The following LARP1B variants were observed in gnomAD, a reference collection of about 807,000 sequenced individuals.
LARP1B encodes la-related protein 1B.
LARP1B carries 76 observed loss-of-function variants against 114.2 expected under a neutral mutation model. The ratio of observed to expected loss-of-function variants is 0.67; its 90% CI spans 0.55 to 0.81. LARP1B has a LOEUF of 0.81. LARP1B is among the 30% of genes least tolerant of loss of function. The probability of loss-of-function intolerance (pLI) is 0.00; values close to 1 mark genes in which losing one functional copy is unlikely to be tolerated. For missense variants in LARP1B, 1,014 were observed against 1,075.8 expected (o/e 0.94, Z 0.80); for synonymous variants, 345 against 348.0 (o/e 0.99, Z 0.10).
At chr4:128,073,683 C>G (rs1335032172) in intron 1 of LARP1B, among the ~76,000 whole-genome samples, 17 of 143,182 alleles carry the variant, frequency 1.2e-4, no homozygotes, top group Admixed American at 1.1e-3. Flanking sequence ...CTCCACCTCC[C>G]AGGTTCAAGC....
chr4:128,156,626 AG>A (rs1319746340), intron 11 of LARP1B, among the ~76,000 whole-genome samples: 1 of 151,636 alleles, frequency 6.6e-6, no homozygotes, highest in African/African-American at 2.4e-5. Flanking sequence ...CCAACTCACC[AG>A]CCCCACTGCC....
chr4:128,106,437 C>G (rs916022964), intron 8 of LARP1B, among the ~76,000 whole-genome samples: 3 of 151,876 alleles, frequency 2.0e-5, no homozygotes, highest in African/African-American at 7.3e-5. Flanking sequence ...TTGTATTTAT[C>G]CTAATTTCTA....
chr4:128,195,709 G>GA (rs1331985819), intron 15 of LARP1B, among the ~76,000 whole-genome samples: 1 of 151,916 alleles, frequency 6.6e-6, no homozygotes, highest in East Asian at 1.9e-4. Context: ...ATTTAAAAAA[G>GA]AAAAAAGATC....
intron 8 of LARP1B, among the ~76,000 whole-genome samples, chr4:128,101,681 C>T (rs1168945877): frequency 4.6e-5 from 7 of 151,510 alleles, no homozygotes; most frequent in South Asian, 2.1e-4. Context: ...AGTTTCACCA[C>T]GTTGGCCAGG....
At chr4:128,063,272 C>G (rs2149250849) in intron 1 of LARP1B, among the ~76,000 whole-genome samples, 2 of 150,654 alleles carry the variant, frequency 1.3e-5, no homozygotes, top group East Asian at 3.9e-4. Flanking sequence ...ACTAGAAATA[C>G]GATCATTAGC....
chr4:128,144,805 C>T (rs1302971546), intron 11 of LARP1B, among the ~76,000 whole-genome samples: 2 of 152,054 alleles, frequency 1.3e-5, no homozygotes, highest in South Asian at 2.1e-4. Flanking sequence ...TTTTGGGCTG[C>T]GATTTCCTAT....
chr4:128,135,147 A>G (rs565669247), intron 11 of LARP1B, among the ~76,000 whole-genome samples: 60 of 151,278 alleles, frequency 4.0e-4, no homozygotes, highest in South Asian at 1.5e-3. Flanking sequence ...ATAAATAAAA[A>G]GGATAACAAA....
chr4:128,107,071 G>T, intron 8 of LARP1B, 68 bp from the exon 9 acceptor site: 2 of 1,323,812 alleles, frequency 1.5e-6, no homozygotes, highest in Non-Finnish European at 2.1e-6. Flanking sequence ...CAAATTTTTA[G>T]GTTCTTAGAA....
intron 11 of LARP1B, among the ~76,000 whole-genome samples, chr4:128,143,454 C>G (rs995545833): frequency 2.6e-5 from 4 of 152,114 alleles, no homozygotes. Flanking sequence ...ATGTTGGAAG[C>G]TGGGAATTTG....
At chr4:128,180,876 A>T (rs918908080) in intron 15 of LARP1B, among the ~76,000 whole-genome samples, 1 of 152,130 alleles carries the variant, frequency 6.6e-6, no homozygotes, top group Non-Finnish European at 1.5e-5. Context: ...TCTCACCAGT[A>T]ATGTTTCTTT....
chr4:128,184,315 C>T (rs1259602013), intron 15 of LARP1B, among the ~76,000 whole-genome samples: 1 of 152,172 alleles, frequency 6.6e-6, no homozygotes, highest in Non-Finnish European at 1.5e-5. Flanking sequence ...TCAGCAACCA[C>T]CGCTCTGATC....
chr4:128,137,791 A>ATTTT (rs758032661), intron 11 of LARP1B, among the ~76,000 whole-genome samples: 1 of 63,562 alleles, frequency 1.6e-5, no homozygotes, highest in African/African-American at 4.8e-5. Context: ...ATATATATAT[A>ATTTT]TTTTTTTTTT....
At chr4:128,101,790 T>C (rs375619715) in intron 8 of LARP1B, among the ~76,000 whole-genome samples, 1 of 152,026 alleles carries the variant, frequency 6.6e-6, no homozygotes, top group African/African-American at 2.4e-5. Flanking sequence ...TTAGAATGAG[T>C]TTATTAACTG....
Position 128,075,009 on chromosome 4 carries a change from A to C in LARP1B, c.42+16A>C. 1.3e-6 allele frequency: 2 copies of C among 1,569,662 alleles called. No individual in the cohort carries two copies. The highest frequency in any genetic ancestry group is 8.7e-7 in the Non-Finnish European group (1 of 1,147,950). On this transcript the variant is annotated intron_variant, in intron 3 of 19. Transcript: ENST00000326639. Reference sequence around the variant, plus strand: ...GAACACTGGAGTGAGTATTGTTTTAAAGTTTTTTTTTTTAAAGAAAGGAAA... The same window carrying C: ...GAACACTGGAGTGAGTATTGTTTTACAGTTTTTTTTTTTAAAGAAAGGAAA...
At chr4:128,189,626 T>C (rs1751582613) in intron 15 of LARP1B, among the ~76,000 whole-genome samples, 1 of 152,162 alleles carries the variant, frequency 6.6e-6, no homozygotes, top group Admixed American at 6.6e-5. Context: ...CCTTTGTTTG[T>C]GATTAAGTGG....
intron 5 of LARP1B, among the ~76,000 whole-genome samples, chr4:128,082,961 C>A (rs575829194): frequency 1.3e-5 from 2 of 151,174 alleles, no homozygotes; most frequent in Non-Finnish European, 3.0e-5. Context: ...GAGGACCCTG[C>A]GGCCTTCCGC....
chr4:128,107,333 A>G lies in LARP1B; in HGVS notation c.988+20A>G. The G allele has an allele frequency of 1.2e-6, 2 of 1,613,194 alleles. No individual in the cohort carries two copies. The highest frequency in any genetic ancestry group is 1.7e-6 in the Non-Finnish European group (2 of 1,179,460). ...ATACAGGTAACATCTTTTCTTCTAG[A>G]GCAAACGATGTAACAGTGGGTTATT... On this transcript the variant is annotated intron_variant, in intron 9 of 19. Coordinates refer to ENST00000326639, the MANE Select transcript of LARP1B (RefSeq NM_018078.4).
intron 1 of LARP1B, among the ~76,000 whole-genome samples, chr4:128,065,887 C>T (rs1481449481): frequency 1.3e-5 from 2 of 152,228 alleles, no homozygotes; most frequent in East Asian, 3.9e-4. Flanking sequence ...GAGATCATAG[C>T]TCACTGCAGC....
chr4:128,162,288 T>G lies in LARP1B; in HGVS notation c.1619T>G (p.Val540Gly). ...CTTCCTTTTGAGCCAAACCAAGAAG[T>G]TCCTGTAGCACCTTCACAGTCCAGG... is the stretch of plus-strand genomic sequence containing the variant. ...PELPFEPNQE[V>G]PVAPSQSRQG... The change falls in exon 12 of 20, where the codon GTT becomes GGT. Residue 540 changes from valine to glycine, a missense_variant. Physicochemically the swap from Val to Gly is moderately radical, Grantham distance 109 (BLOSUM62 -3). Coordinates refer to ENST00000326639, the MANE Select transcript of LARP1B (RefSeq NM_018078.4). 4 of 1,613,214 alleles carry G rather than the reference T, an allele frequency of 2.5e-6. No homozygotes were observed. The highest frequency in any genetic ancestry group is 3.4e-6 in the Non-Finnish European group (4 of 1,179,392).
Sources: allele counts gnomAD v4.1 joint callset (sites outside exome capture counted in the v4.1 genomes callset), GRCh38; gene constraint gnomAD v4.1.1; transcripts MANE v1.5; gene names NCBI Gene and HGNC (gene_info 2026-07-23, HGNC 2026-07-21).